Variants in DMGDH observed in about 807,000 individuals in gnomAD.
DMGDH encodes dimethylglycine dehydrogenase.
In DMGDH, 76 loss-of-function variants were observed where a neutral mutation model predicts 95.2. The observed-to-expected ratio is 0.80, with a 90% confidence interval of 0.66 to 0.97. DMGDH has a LOEUF of 0.97. Ranked by LOEUF, DMGDH falls within the 50% of genes least tolerant of loss-of-function variation. The pLI, the probability that DMGDH is intolerant of heterozygous loss-of-function variation, is 0.00. For synonymous variants in DMGDH, 345 were observed against 377.6 expected (o/e 0.91, Z 1.00); for missense variants, 987 against 1,055.0 (o/e 0.94, Z 0.89).
At chr5:79,048,826 C>G (rs980043759) in intron 5 of DMGDH, among the ~76,000 whole-genome samples, 3 of 150,874 alleles carry the variant, frequency 2.0e-5, no homozygotes, top group African/African-American at 7.3e-5. Flanking sequence ...AATATGTAAT[C>G]AGTTAGATTT....
In DMGDH at chr5:79,028,486, T is replaced by G; in HGVS notation, c.1979A>C (p.Lys660Thr). ...SDDVFKFLQT[K>T]SLKVSNIPVT... is the part of the protein sequence containing the mutation. ...AGGAATGTTGGAAACCTTTAAGGAC[T>G]TGGTTTGAAGAAACTTGAAAACATC... The change falls in exon 12 of 16, where the codon AAG (lysine) becomes ACG (threonine). Residue 660 changes from lysine (K) to threonine (T), a missense_variant. Lys to Thr is a moderately conservative substitution (Grantham distance 78). Coordinates refer to ENST00000255189, the MANE Select transcript of DMGDH (RefSeq NM_013391.3). The G allele has an allele frequency of 6.2e-7, 1 of 1,614,164 alleles. No homozygotes were observed. Among genetic ancestry groups the G allele is most frequent in the Non-Finnish European group, 8.5e-7 (1 of 1,180,024 alleles).
rs1170438051 is a variant in DMGDH at position 79,044,454 on chromosome 5, T to C, written c.844A>G (p.Lys282Glu). ...ACAGGCAGTTCTCGTTTCAAAGCTTTCACTTCAGATATAGTCGATGTAACA... is the reference window on the plus strand; with the variant it reads ...ACAGGCAGTTCTCGTTTCAAAGCTTCCACTTCAGATATAGTCGATGTAACA... ...YVVTSTISEVKALKRELPVLR... is the reference protein window; with the variant it reads ...YVVTSTISEVEALKRELPVLR... The change falls in exon 6 of 16, where the codon AAA (lysine) becomes GAA (glutamate). Residue 282 changes from lysine (K) to glutamate (E), a missense_variant. Physicochemically the swap from Lys to Glu is moderately conservative, Grantham distance 56. Transcript: ENST00000255189. 1 of 1,614,174 alleles carries C rather than the reference T, an allele frequency of 6.2e-7. No homozygotes were observed. Among genetic ancestry groups the C allele is most frequent in the Non-Finnish European group, 8.5e-7 (1 of 1,180,020 alleles).
chr5:79,020,660 T>G, intron 14 of DMGDH: 1 of 971,514 alleles, frequency 1.0e-6, no homozygotes, highest in Non-Finnish European at 1.2e-6. Context: ...CAACATTGTC[T>G]TATAACTTAT....
In DMGDH at chr5:79,007,127, T is replaced by C. The variant is rs117589111; in HGVS notation, c.2251-1720A>G. 7.8e-4 allele frequency among the ~76,000 whole-genome samples: 118 copies of C among 152,192 alleles called. No homozygotes were observed. In the East Asian group the frequency reaches 0.014, roughly 18 times the overall value. Reference sequence around the variant, plus strand: ...CCCGTGTTATTTAATATAGGACAAATGGGGGTGGGGAGTCACAGGAAGAGC... The same window carrying C: ...CCCGTGTTATTTAATATAGGACAAACGGGGGTGGGGAGTCACAGGAAGAGC... On this transcript the variant is annotated intron_variant, in intron 14 of 15. Transcript: ENST00000255189.
intron 3 of DMGDH, 113 bp from the exon 4 acceptor site, chr5:79,054,461 G>A: frequency 9.4e-7 from 1 of 1,061,222 alleles, no homozygotes; most frequent in South Asian, 1.4e-5. Context: ...TATTACGAGT[G>A]AAAGAAATAA....
chr5:79,030,666 A>T, intron 10 of DMGDH, 167 bp downstream of exon 10: 2 of 669,592 alleles, frequency 3.0e-6, no homozygotes, highest in Non-Finnish European at 4.7e-6. Context: ...AAAAAAAAAA[A>T]GAAAAGAAAA....
chr5:79,045,374 AG>A (rs1168278207), intron 5 of DMGDH, among the ~76,000 whole-genome samples: 2 of 152,118 alleles, frequency 1.3e-5, no homozygotes, highest in Non-Finnish European at 2.9e-5. Context: ...CATTTGCAAA[AG>A]ATAGAACTGG....
chr5:79,037,018 C>G (rs1039153401), intron 7 of DMGDH, among the ~76,000 whole-genome samples: 5 of 152,084 alleles, frequency 3.3e-5, no homozygotes, highest in African/African-American at 1.2e-4. Context: ...TTTCTCTCCA[C>G]ACACACCCAC....
At chr5:79,068,884 G>T (rs1044275767) in intron 1 of DMGDH, among the ~76,000 whole-genome samples, 1 of 152,170 alleles carries the variant, frequency 6.6e-6, no homozygotes, top group African/African-American at 2.4e-5. Context: ...CTGGTGTGCC[G>T]CATGCAAACT....
chr5:79,031,651 C>G (rs1322474084), intron 9 of DMGDH, among the ~76,000 whole-genome samples: 2 of 152,194 alleles, frequency 1.3e-5, no homozygotes, highest in Non-Finnish European at 2.9e-5. Flanking sequence ...AATGACAGAG[C>G]CAGACCTGGA....
At chr5:79,035,056 C>CAAA (rs10586049) in intron 7 of DMGDH, among the ~76,000 whole-genome samples, 18 of 78,328 alleles carry the variant, frequency 2.3e-4, no homozygotes, top group South Asian at 5.1e-4. Context: ...GACTCCATCT[C>CAAA]AAAAAAAAAA....
chr5:79,061,574 T>C (rs947478587), intron 2 of DMGDH, among the ~76,000 whole-genome samples: 1 of 152,214 alleles, frequency 6.6e-6, no homozygotes. Flanking sequence ...TTGCTTTTTA[T>C]TCATGGGACA....
At chr5:79,013,764 T>G (rs1260695290) in intron 14 of DMGDH, among the ~76,000 whole-genome samples, 1 of 152,076 alleles carries the variant, frequency 6.6e-6, no homozygotes, top group African/African-American at 2.4e-5. Context: ...ATGTCTTACA[T>G]GGCAGGAGCA....
At position 79,055,850 on chromosome 5, in the gene DMGDH, C is replaced by A; in HGVS notation, c.335G>T (p.Ser112Ile). 6.2e-7 allele frequency: 1 copy of A among 1,612,526 alleles called. No individual in the cohort carries two copies. The highest frequency in any genetic ancestry group is 8.5e-7 in the Non-Finnish European group (1 of 1,178,634). Residue 112 changes from serine (S) to isoleucine (I), a missense_variant, in exon 3 of 16, where the codon AGC (serine) becomes ATC (isoleucine). Ser to Ile is a moderately radical substitution (Grantham distance 142). Transcript: ENST00000255189. Reference sequence around the variant, plus strand: ...TTCCAGTTTCTCATAAAGTTTGATGCTATCATAATGTATTTTCTTCAAGTT... The same window carrying A: ...TTCCAGTTTCTCATAAAGTTTGATGATATCATAATGTATTTTCTTCAAGTT... ...GINLKKIHYD[S>I]IKLYEKLEEE... is the part of the protein sequence containing the mutation.
chr5:79,037,138 C>T (rs1022261329), intron 7 of DMGDH, among the ~76,000 whole-genome samples: 9 of 152,176 alleles, frequency 5.9e-5, no homozygotes, highest in Non-Finnish European at 1.3e-4. Flanking sequence ...CTCAGACCTC[C>T]AGCCTCCAGA....
chr5:79,033,252 T>C lies in DMGDH; in HGVS notation c.1350A>G (p.Gly450=). Reference sequence around the variant, plus strand: ...TTTGTACCTTACCAATATTGTTGAATCCATATGATTCTCTTGCTTTGGCCT... The same window carrying C: ...TTTGTACCTTACCAATATTGTTGAACCCATATGATTCTCTTGCTTTGGCCT... ...YTEAKARESY[G]FNNIVGYPKE... is the part of the protein sequence containing the mutation. The change falls in exon 8 of 16, where the codon GGA becomes GGG. Residue 450 remains glycine (G), a synonymous_variant. Transcript: ENST00000255189. The C allele has an allele frequency of 6.2e-7, 1 of 1,614,182 alleles. No individual in the cohort carries two copies. The highest frequency in any genetic ancestry group is 8.5e-7 in the Non-Finnish European group (1 of 1,180,012).
chr5:79,064,235 C>T (rs1412787439), intron 1 of DMGDH, among the ~76,000 whole-genome samples: 2 of 152,000 alleles, frequency 1.3e-5, no homozygotes, highest in African/African-American at 4.8e-5. Flanking sequence ...TGCCTATAGT[C>T]CCAGCTACTT....
rs541377682 is a variant in DMGDH, at chr5:79,032,968, T to C, written c.1364-128A>G. The C allele has an allele frequency of 3.4e-5, 39 of 1,160,044 alleles. No homozygotes were observed. In the African/African-American group the frequency reaches 5.6e-4, roughly 17 times the overall value. The allele number at this position is 1,160,044 out of a possible 1,614,324, so 71.9% of individuals were successfully genotyped here. On this transcript the variant is annotated intron_variant, in intron 8 of 15. Coordinates refer to ENST00000255189, the MANE Select transcript of DMGDH (RefSeq NM_013391.3). ...ATAAACATACATACATACATATATA[T>C]GAATGATTCATGTAGAAAACAGAGC...
intron 14 of DMGDH, among the ~76,000 whole-genome samples, chr5:79,016,386 G>A (rs984932009): frequency 2.0e-5 from 3 of 152,180 alleles, no homozygotes; most frequent in Non-Finnish European, 4.4e-5. Flanking sequence ...TAAGCAGATT[G>A]AGCAAAGTTC....
Sources: allele counts gnomAD v4.1 joint callset (sites outside exome capture counted in the v4.1 genomes callset), GRCh38; gene constraint gnomAD v4.1.1; transcripts MANE v1.5; gene names NCBI Gene and HGNC (gene_info 2026-07-23, HGNC 2026-07-21).